Variants in KIRREL3 observed in about 807,000 individuals in gnomAD.
KIRREL3 encodes the protein kin of IRRE-like protein 3.
In KIRREL3, 36 loss-of-function variants were observed where a neutral mutation model predicts 89.7. The ratio of observed to expected loss-of-function variants is 0.40; its 90% CI spans 0.31 to 0.53. The LOEUF (loss-of-function observed/expected upper bound fraction) is 0.53. Among genes scored for constraint, KIRREL3 ranks in the 20% least tolerant of loss-of-function variants. KIRREL3 has a pLI of 0.49. For missense variants in KIRREL3, 864 were observed against 1,056.6 expected, an observed-to-expected ratio of 0.82 and a Z score of 2.53; for synonymous variants, 445 against 441.4, an observed-to-expected ratio of 1.01 and a Z score of -0.10.
chr11:126,590,179 C>T (rs1942068327), intron 1 of KIRREL3, among the ~76,000 whole-genome samples: 1 of 152,202 alleles, frequency 6.6e-6, no homozygotes, highest in South Asian at 2.1e-4. Flanking sequence ...ACCTTAACTA[C>T]CTTGGTTATT....
intron 2 of KIRREL3, chr11:126,549,342 TA>T (rs1244549780): frequency 6.6e-6 from 1 of 152,124 alleles, no homozygotes; most frequent in East Asian, 1.9e-4. Context: ...CAGATGGAGT[TA>T]GGGGGAAAAC....
At chr11:126,581,211 A>AT (rs558345583) in intron 1 of KIRREL3, among the ~76,000 whole-genome samples, 504 of 151,354 alleles carry the variant, frequency 3.3e-3, no homozygotes, top group Admixed American at 7.1e-3. Context: ...ATTATATTGA[A>AT]TTTTTTTTTG....
At chr11:126,672,856 C>A (rs1482363715) in intron 1 of KIRREL3, among the ~76,000 whole-genome samples, 1 of 152,194 alleles carries the variant, frequency 6.6e-6, no homozygotes, top group East Asian at 1.9e-4. Context: ...ATTAACCAAC[C>A]AATTCCCTCA....
At chr11:126,974,450 AC>A in intron 1 of KIRREL3, among the ~76,000 whole-genome samples, 1 of 150,804 alleles carries the variant, frequency 6.6e-6, no homozygotes, top group Non-Finnish European at 1.5e-5. Flanking sequence ...AGCCCGTTAC[AC>A]ACCTAGGCTA....
chr11:126,756,851 G>T (rs1322241702), intron 1 of KIRREL3, among the ~76,000 whole-genome samples: 1 of 152,188 alleles, frequency 6.6e-6, no homozygotes, highest in African/African-American at 2.4e-5. Context: ...CACTGGTGGG[G>T]AAAATTGGTG....
At position 126,518,621 on chromosome 11, in the gene KIRREL3, C is replaced by T. The variant is rs1024493392; in HGVS notation, c.433+2694G>A. Among the ~76,000 whole-genome samples, 5 of 152,256 alleles carry T rather than the reference C, an allele frequency of 3.3e-5. No homozygotes were observed. The East Asian group carries it at 9.6e-4, about 29-fold the overall frequency. On this transcript the variant is annotated intron_variant, in intron 4 of 16. Transcript: ENST00000525144. The stretch of plus-strand genomic sequence containing the variant: ...TGGGGAACTGGCTGGGACATTTTCC[C>T]GGGCTGAGATGTCACAGCAAAGCAG...
In KIRREL3 at chr11:126,904,401, T is replaced by C. The variant is rs1946493635; in HGVS notation, c.55+96054A>G. On this transcript the variant is annotated intron_variant, in intron 1 of 16. Transcript: ENST00000525144. This position sits in a 1 kb window ranked among gnomAD's most constrained non-coding sequence, Gnocchi z 4.4. ...ATGTTTACTGCATCTCTGACTGCAA[T>C]AAGACTGATCACTAGTGGGGATAGT... Among the ~76,000 whole-genome samples the C allele has an allele frequency of 1.3e-5, 2 of 152,222 alleles. No individual in the cohort carries two copies. The highest frequency in any genetic ancestry group is 1.3e-4 in the Admixed American group (2 of 15,288).
chr11:126,868,329 C>T (rs551600854), intron 1 of KIRREL3, among the ~76,000 whole-genome samples: 4 of 152,048 alleles, frequency 2.6e-5, no homozygotes, highest in Admixed American at 1.3e-4. Flanking sequence ...TGGATAAGGG[C>T]GTTAGAGGAC....
rs947255819 is a variant in KIRREL3, at chr11:126,906,800, G to A, written c.55+93655C>T. 6.6e-6 allele frequency among the ~76,000 whole-genome samples: 1 copy of A among 152,170 alleles called. No homozygotes were observed. The highest frequency in any genetic ancestry group is 2.4e-5 in the African/African-American group (1 of 41,444). Reference sequence around the variant, plus strand: ...CAAGGCTGCCTGTGGCTTCTTCCTGGGACGTCTGCTCTGCCTCCTGAAAGG... The same window carrying A: ...CAAGGCTGCCTGTGGCTTCTTCCTGAGACGTCTGCTCTGCCTCCTGAAAGG... On this transcript the variant is annotated intron_variant, in intron 1 of 16. Transcript: ENST00000525144. This position sits in a 1 kb window ranked among gnomAD's most constrained non-coding sequence, Gnocchi z 4.1.
chr11:126,836,361 A>G (rs1395300196), intron 1 of KIRREL3, among the ~76,000 whole-genome samples: 1 of 152,188 alleles, frequency 6.6e-6, no homozygotes, highest in Non-Finnish European at 1.5e-5. Flanking sequence ...CCTCCCTGAT[A>G]TAAATCCTGA....
chr11:126,822,544 G>C (rs545049734), intron 1 of KIRREL3, among the ~76,000 whole-genome samples: 1 of 152,308 alleles, frequency 6.6e-6, no homozygotes, highest in South Asian at 2.1e-4. Flanking sequence ...AACTCATATA[G>C]TATTGAGGTT....
At chr11:126,790,298 G>C (rs1950598879) in intron 1 of KIRREL3, among the ~76,000 whole-genome samples, 1 of 152,184 alleles carries the variant, frequency 6.6e-6, no homozygotes, top group Admixed American at 6.5e-5. Context: ...ATGAATGGAT[G>C]GATAAAGACT....
rs921621069 is a variant in KIRREL3 at position 126,520,206 on chromosome 11, G to A, written c.433+1109C>T. ...CTCTGAGCAGCTGTGTGCTTTAGCT[G>A]CCAGGAGAGGAGGCAGCACCCCAGC... On this transcript the variant is annotated intron_variant, in intron 4 of 16. Transcript: ENST00000525144. This position sits in a 1 kb window ranked among gnomAD's most constrained non-coding sequence, Gnocchi z 4.9. Among the ~76,000 whole-genome samples the A allele has an allele frequency of 6.6e-6, 1 of 152,222 alleles. No individual in the cohort carries two copies. The highest frequency in any genetic ancestry group is 2.4e-5 in the African/African-American group (1 of 41,454).
intron 1 of KIRREL3, among the ~76,000 whole-genome samples, chr11:126,887,702 T>C (rs1464931778): frequency 1.3e-5 from 2 of 152,188 alleles, no homozygotes; most frequent in African/African-American, 4.8e-5. Context: ...TAACTAAATG[T>C]TGGAAATAGA....
chr11:126,939,112 T>C (rs1378995800), intron 1 of KIRREL3, among the ~76,000 whole-genome samples: 7 of 152,220 alleles, frequency 4.6e-5, no homozygotes, highest in Non-Finnish European at 1.5e-5. Flanking sequence ...TAGTTTCTAG[T>C]AGACTTGAGC....
At chr11:126,923,800 A>G (rs1475701524) in intron 1 of KIRREL3, among the ~76,000 whole-genome samples, 1 of 152,014 alleles carries the variant, frequency 6.6e-6, no homozygotes, top group African/African-American at 2.4e-5. Context: ...CCTTTTTATA[A>G]CCATAGAACA....
At chr11:126,534,172 G>A (rs1207570688) in intron 2 of KIRREL3, among the ~76,000 whole-genome samples, 8 of 151,924 alleles carry the variant, frequency 5.3e-5, no homozygotes, top group Admixed American at 5.2e-4. Context: ...CTCAGGTGTT[G>A]GAAGCCTTGG....
rs1958426018 is a variant in KIRREL3, at chr11:126,516,905, C to A, written c.433+4410G>T. Among the ~76,000 whole-genome samples, 1 of 152,020 alleles carries A rather than the reference C, an allele frequency of 6.6e-6. No individual in the cohort carries two copies. ...GTCAAGTGTTCGAGACCAGCCTGGG[C>A]AGCATGGCTAAAAATACAAAAATTA... On this transcript the variant is annotated intron_variant, in intron 4 of 16. Transcript: ENST00000525144. The surrounding 1 kb of genome is among the most constrained non-coding windows in gnomAD (Gnocchi z 4.9).
chr11:126,727,187 A>C (rs1189246119), intron 1 of KIRREL3, among the ~76,000 whole-genome samples: 1 of 152,240 alleles, frequency 6.6e-6, no homozygotes, highest in African/African-American at 2.4e-5. Flanking sequence ...GCTCCTGTGC[A>C]CTTGGGTGTG....
Sources: allele counts gnomAD v4.1 joint callset (sites outside exome capture counted in the v4.1 genomes callset), GRCh38; gene constraint gnomAD v4.1.1; non-coding constraint Gnocchi (gnomAD v3.1); transcripts MANE v1.5; gene names NCBI Gene and HGNC (gene_info 2026-07-23, HGNC 2026-07-21).